ENOX1: variants seen among roughly 807,000 people sequenced by gnomAD.
The protein encoded by ENOX1 is candidate growth-related and time keeping constitutive hydroquinone (NADH) oxidase.
A neutral mutation model predicts 82.5 loss-of-function variants in ENOX1; 42 were observed. The observed-to-expected ratio is 0.51, with a 90% confidence interval of 0.40 to 0.66. The LOEUF is 0.66. ENOX1 is among the 30% of genes least tolerant of loss of function. The pLI, the probability that ENOX1 is intolerant of heterozygous loss-of-function variation, is 0.00. For missense variants in ENOX1, 608 were observed against 811.6 expected, an observed-to-expected ratio of 0.75 and a Z score of 3.05; for synonymous variants, 271 against 282.2, an observed-to-expected ratio of 0.96 and a Z score of 0.40.
At chr13:43,257,092 C>T (rs754662973) in intron 14 of ENOX1, among the ~76,000 whole-genome samples, 8 of 152,056 alleles carry the variant, frequency 5.3e-5, no homozygotes, top group African/African-American at 9.7e-5. Flanking sequence ...CACTCGTATG[C>T]GGGAGCTAAA....
chr13:43,777,537 A>G lies in ENOX1; in HGVS notation c.-285+9115T>C, dbSNP rs557656723. ...CAAAGATATCACAGGATCTCTCTGTATTATTTCTTTTTTTTTTTTTTCTGA... is the reference window on the plus strand; with the variant it reads ...CAAAGATATCACAGGATCTCTCTGTGTTATTTCTTTTTTTTTTTTTTCTGA... On this transcript the variant is annotated intron_variant, in intron 1 of 16. Transcript: ENST00000690772. 2.0e-4 allele frequency among the ~76,000 whole-genome samples: 28 copies of G among 142,346 alleles called. No individual in the cohort carries two copies. In the South Asian group the frequency reaches 6.2e-3, roughly 32 times the overall value. 93.4% of individuals were successfully genotyped at this position (142,346 alleles called of 152,430 possible).
chr13:43,659,032 GCTT>G (rs1235827948), intron 2 of ENOX1, among the ~76,000 whole-genome samples: 4 of 151,960 alleles, frequency 2.6e-5, no homozygotes, highest in East Asian at 1.9e-4. Flanking sequence ...AATCCTCTAA[GCTT>G]CTTATTTTTT....
chr13:43,318,658 A>T (rs901762148), intron 11 of ENOX1, among the ~76,000 whole-genome samples: 2 of 152,264 alleles, frequency 1.3e-5, no homozygotes, highest in Non-Finnish European at 2.9e-5. Context: ...AAACATTAAG[A>T]TCAGAAGAAG....
At chr13:43,623,278 T>A (rs1471991562) in intron 2 of ENOX1, among the ~76,000 whole-genome samples, 1 of 152,164 alleles carries the variant, frequency 6.6e-6, no homozygotes, top group Non-Finnish European at 1.5e-5. Context: ...CCAGGAGGCT[T>A]CTCATCCCGT....
chr13:43,234,284 G>C (rs1276893810), intron 15 of ENOX1, among the ~76,000 whole-genome samples: 1 of 152,166 alleles, frequency 6.6e-6, no homozygotes, highest in Non-Finnish European at 1.5e-5. Flanking sequence ...TTATACAAAA[G>C]AGTAGAAGTA....
intron 11 of ENOX1, among the ~76,000 whole-genome samples, chr13:43,302,604 A>G (rs2046641899): frequency 6.6e-6 from 1 of 152,224 alleles, no homozygotes; most frequent in Admixed American, 6.5e-5. Flanking sequence ...ATGAAAATCA[A>G]TCCAAAGGTT....
intron 11 of ENOX1, among the ~76,000 whole-genome samples, chr13:43,312,081 C>G (rs1488811395): frequency 1.3e-5 from 2 of 152,152 alleles, no homozygotes; most frequent in African/African-American, 4.8e-5. Context: ...AAAAAAATCA[C>G]AAGTATCAAA....
At chr13:43,442,106 G>C (rs1316729157) in intron 3 of ENOX1, among the ~76,000 whole-genome samples, 8 of 152,146 alleles carry the variant, frequency 5.3e-5, no homozygotes, top group Non-Finnish European at 1.2e-4. Context: ...GCTAAAACAA[G>C]CATAGAGGAG....
chr13:43,601,820 A>G (rs1215586601), intron 2 of ENOX1, among the ~76,000 whole-genome samples: 4 of 152,186 alleles, frequency 2.6e-5, no homozygotes, highest in African/African-American at 9.7e-5. Flanking sequence ...AAGAAATAAC[A>G]TATAATGGAG....
At chr13:43,406,274 T>C (rs1225389642) in intron 5 of ENOX1, among the ~76,000 whole-genome samples, 1 of 152,124 alleles carries the variant, frequency 6.6e-6, no homozygotes, top group Non-Finnish European at 1.5e-5. Flanking sequence ...TATCTTGGCG[T>C]TCCATGAGAT....
chr13:43,440,233 T>C (rs1008532806), intron 3 of ENOX1, among the ~76,000 whole-genome samples: 3 of 152,190 alleles, frequency 2.0e-5, no homozygotes, highest in African/African-American at 7.2e-5. Context: ...CATTTATATC[T>C]AATGATCAAT....
chr13:43,608,974 C>G (rs1197966756), intron 2 of ENOX1, among the ~76,000 whole-genome samples: 1 of 152,200 alleles, frequency 6.6e-6, no homozygotes, highest in Non-Finnish European at 1.5e-5. Context: ...ATCACCCCTT[C>G]TAAGCTCTGC....
intron 7 of ENOX1, among the ~76,000 whole-genome samples, chr13:43,357,209 C>T (rs879436616): frequency 1.1e-4 from 16 of 152,112 alleles, no homozygotes; most frequent in Admixed American, 5.2e-4. Flanking sequence ...AGTATGGGGG[C>T]TTTGCAAATG....
chr13:43,354,487 A>T (rs1403574746), intron 8 of ENOX1, among the ~76,000 whole-genome samples: 15 of 142,686 alleles, frequency 1.1e-4, no homozygotes, highest in Non-Finnish European at 1.7e-4. Flanking sequence ...TTTTTTTTTT[A>T]AAGCATAGAA....
At chr13:43,363,607 C>T (rs1025362214) in intron 5 of ENOX1, among the ~76,000 whole-genome samples, 2 of 152,188 alleles carry the variant, frequency 1.3e-5, no homozygotes, top group East Asian at 3.8e-4. Flanking sequence ...TCATTCCGTA[C>T]ATCGGCTTCA....
At chr13:43,417,393 G>T (rs866842302) in intron 3 of ENOX1, among the ~76,000 whole-genome samples, 7 of 152,302 alleles carry the variant, frequency 4.6e-5, no homozygotes, top group Middle Eastern at 3.4e-3. Context: ...CCGTGACATT[G>T]TTCACAAAAT....
At chr13:43,220,155 T>C (rs2041713466) in intron 16 of ENOX1, among the ~76,000 whole-genome samples, 2 of 150,584 alleles carry the variant, frequency 1.3e-5, no homozygotes, top group Admixed American at 6.6e-5. Context: ...AGCAAGAAAC[T>C]GGTAGAGGAA....
intron 3 of ENOX1, among the ~76,000 whole-genome samples, chr13:43,462,800 A>T (rs2057546853): frequency 6.6e-6 from 1 of 152,232 alleles, no homozygotes; most frequent in East Asian, 1.9e-4. Flanking sequence ...CACTCCCAGG[A>T]AATTAAACAA....
At chr13:43,245,878 T>C (rs1371352365) in intron 14 of ENOX1, among the ~76,000 whole-genome samples, 2 of 152,226 alleles carry the variant, frequency 1.3e-5, no homozygotes, top group South Asian at 2.1e-4. Flanking sequence ...CGGAAGCACA[T>C]ACATTATGTC....
Sources: gnomAD v4.1 joint callset for allele counts (sites outside exome capture counted in the v4.1 genomes callset) on GRCh38, gnomAD v4.1.1 for gene constraint, MANE v1.5 for transcripts, NCBI Gene and HGNC (gene_info 2026-07-23, HGNC 2026-07-21) for gene names.